Variants in LMO7 observed in about 807,000 individuals in gnomAD.
The protein encoded by LMO7 is LIM domain only protein 7.
In LMO7, 120 loss-of-function variants were observed where a neutral mutation model predicts 206.5. The observed-to-expected ratio is 0.58, with a 90% CI of 0.50 to 0.68. The LOEUF (loss-of-function observed/expected upper bound fraction) is 0.68. LMO7 is among the 30% of genes least tolerant of loss of function. LMO7 has a pLI of 0.00. For missense variants in LMO7, 1,959 were observed against 1,957.9 expected (o/e 1.00, Z -0.01); for synonymous variants, 706 against 681.5 (o/e 1.04, Z -0.56).
At chr13:75,815,047 G>A (rs1293950022) in intron 11 of LMO7, among the ~76,000 whole-genome samples, 1 of 152,100 alleles carries the variant, frequency 6.6e-6, no homozygotes, top group Non-Finnish European at 1.5e-5. Flanking sequence ...GAAAGTAGTG[G>A]GTGCTGAGTA....
chr13:75,786,858 C>T (rs948956976), intron 4 of LMO7, among the ~76,000 whole-genome samples: 1 of 152,162 alleles, frequency 6.6e-6, no homozygotes, highest in Admixed American at 6.5e-5. Flanking sequence ...GTGTTTGACA[C>T]TTAACATGTC....
At chr13:75,640,912 C>T (rs1476317283) in intron 1 of LMO7, among the ~76,000 whole-genome samples, 1 of 152,194 alleles carries the variant, frequency 6.6e-6, no homozygotes, top group Non-Finnish European at 1.5e-5. Flanking sequence ...TGCCTCAACC[C>T]TCTTCCCGAG....
intron 4 of LMO7, among the ~76,000 whole-genome samples, chr13:75,766,644 T>G (rs2139881930): frequency 6.6e-6 from 1 of 152,234 alleles, no homozygotes; most frequent in Admixed American, 6.5e-5. Flanking sequence ...AGATGTGCAG[T>G]CATTTCATCT....
At chr13:75,729,134 T>G (rs1336210115) in intron 3 of LMO7, among the ~76,000 whole-genome samples, 2 of 149,620 alleles carry the variant, frequency 1.3e-5, no homozygotes, top group Non-Finnish European at 3.0e-5. Context: ...CCATATGAAC[T>G]TTAAAGTAGT....
Position 75,805,460 on chromosome 13 carries a change from G to A in LMO7, c.915-19G>A, listed in dbSNP as rs76261004. 57,259 of 1,609,298 alleles carry A rather than the reference G, an allele frequency of 0.036. 1,167 individuals carry two copies. The highest frequency in any genetic ancestry group is 0.086 in the Middle Eastern group (520 of 6,036). ...CAAATGCTCATACAGTGTCTTAACC[G>A]GTTGGATGTTTTGAACAGTAATCAG... On this transcript the variant is annotated intron_variant, in intron 8 of 30. Transcript: ENST00000377534.
intron 15 of LMO7, among the ~76,000 whole-genome samples, chr13:75,831,540 C>T (rs369872908): frequency 1.3e-5 from 2 of 152,156 alleles, no homozygotes; most frequent in African/African-American, 4.8e-5. Flanking sequence ...TTATTTGGCT[C>T]ATGGTTCTGG....
chr13:75,729,019 A>C (rs997382566), intron 3 of LMO7, among the ~76,000 whole-genome samples: 1 of 151,814 alleles, frequency 6.6e-6, no homozygotes, highest in Non-Finnish European at 1.5e-5. Context: ...TGCTGTTTTG[A>C]GTTACTATAG....
intron 2 of LMO7, among the ~76,000 whole-genome samples, chr13:75,717,825 CTT>C (rs1465630608): frequency 6.6e-6 from 1 of 152,184 alleles, no homozygotes; most frequent in African/African-American, 2.4e-5. Context: ...GTGGGAAAGG[CTT>C]TTTTTCTTAG....
At chr13:75,634,455 G>T (rs1261714985), upstream of LMO7, among the ~76,000 whole-genome samples, 3 of 150,766 alleles carry the variant, frequency 2.0e-5, no homozygotes, top group East Asian at 6.0e-4. Context: ...AAACAAACAA[G>T]AACGGCTGGG....
In LMO7 at chr13:75,856,573, A is replaced by G; in HGVS notation, c.4838A>G (p.Gln1613Arg). Residue 1613 changes from glutamine to arginine, a missense_variant, in exon 30 of 31, where the codon CAA (glutamine) becomes CGA (arginine). Gln to Arg is a conservative substitution (Grantham distance 43). Transcript: ENST00000377534. ...GCTGAAGTCAGGATCAGAAACCACC[A>G]ACTGTACTGCAACGACTGCTATCTC... ...SGAEVRIRNH[Q>R]LYCNDCYLRF... 6.2e-7 allele frequency: 1 copy of G among 1,611,428 alleles called. No homozygotes were observed. The highest frequency in any genetic ancestry group is 1.7e-5 in the Admixed American group (1 of 60,002).
At chr13:75,639,286 C>T (rs1485704276) in intron 1 of LMO7, among the ~76,000 whole-genome samples, 1 of 152,066 alleles carries the variant, frequency 6.6e-6, no homozygotes, top group African/African-American at 2.4e-5. Context: ...CTTGTTTTTA[C>T]TTATTTCAAA....
chr13:75,687,054 G>A (rs939767441), intron 1 of LMO7, among the ~76,000 whole-genome samples: 5 of 152,150 alleles, frequency 3.3e-5, no homozygotes, highest in African/African-American at 1.2e-4. Flanking sequence ...GCATATGAAT[G>A]TTGGGGAGAT....
chr13:75,786,419 G>T (rs1186501593), intron 4 of LMO7, among the ~76,000 whole-genome samples: 1 of 149,382 alleles, frequency 6.7e-6, no homozygotes, highest in East Asian at 2.0e-4. Context: ...CTGTTGCTCA[G>T]GCTGGAGTGC....
chr13:75,701,270 C>T (rs1030907512), intron 1 of LMO7, among the ~76,000 whole-genome samples: 3 of 152,128 alleles, frequency 2.0e-5, no homozygotes, highest in Non-Finnish European at 4.4e-5. Context: ...TGTAACTGGG[C>T]GTCTCAGCCG....
chr13:75,838,214 C>T lies in LMO7; in HGVS notation c.3451+18C>T. On this transcript the variant is annotated intron_variant, in intron 20 of 30. Coordinates refer to ENST00000377534, the MANE Select transcript of LMO7 (RefSeq NM_001306080.2). ...TGAACAAGGTAAACCACAAAGCTAACAATTCATGCACTTTCATGGAATTGT... is the reference window on the plus strand; with the variant it reads ...TGAACAAGGTAAACCACAAAGCTAATAATTCATGCACTTTCATGGAATTGT... 1 of 1,597,964 alleles carries T rather than the reference C, an allele frequency of 6.3e-7. No individual in the cohort carries two copies. The highest frequency in any genetic ancestry group is 8.6e-7 in the Non-Finnish European group (1 of 1,165,898).
At chr13:75,641,006 C>G (rs2036478717) in intron 1 of LMO7, among the ~76,000 whole-genome samples, 1 of 152,214 alleles carries the variant, frequency 6.6e-6, no homozygotes, top group African/African-American at 2.4e-5. Context: ...TACTATGTGC[C>G]TACTGTGTGC....
chr13:75,708,954 C>A (rs13378446), intron 1 of LMO7, among the ~76,000 whole-genome samples: 11,659 of 151,874 alleles, frequency 0.077, 989 homozygotes, highest in African/African-American at 0.21. Flanking sequence ...CCGCTCCCCC[C>A]ACCCCACAAC....
At chr13:75,736,665 A>C (rs954121379) in intron 3 of LMO7, among the ~76,000 whole-genome samples, 1 of 152,252 alleles carries the variant, frequency 6.6e-6, no homozygotes, top group Non-Finnish European at 1.5e-5. Flanking sequence ...GCAAGAAAGC[A>C]TCACGTAATA....
intron 3 of LMO7, among the ~76,000 whole-genome samples, chr13:75,737,776 A>T (rs9565196): frequency 2.8e-4 from 10 of 35,172 alleles, no homozygotes; most frequent in Non-Finnish European, 5.5e-4. Context: ...ATAAAATAAA[A>T]TAAAATAAAA....
Sources: allele counts gnomAD v4.1 joint callset (sites outside exome capture counted in the v4.1 genomes callset), GRCh38; gene constraint gnomAD v4.1.1; transcripts MANE v1.5; gene names NCBI Gene and HGNC (gene_info 2026-07-23, HGNC 2026-07-21).